The following POFUT1 variants were observed in gnomAD, a reference collection of about 807,000 sequenced individuals.
POFUT1 encodes the protein protein O-fucosyltransferase 1.
POFUT1 carries 16 observed loss-of-function variants against 42.4 expected under a neutral mutation model. The observed-to-expected ratio is 0.38, with a 90% CI of 0.26 to 0.57. The LOEUF is 0.57. Among genes scored for constraint, POFUT1 ranks in the 20% least tolerant of loss-of-function variants. The pLI, the probability that POFUT1 is intolerant of heterozygous loss-of-function variation, is 0.71. For missense variants in POFUT1, 470 were observed against 504.6 expected, an observed-to-expected ratio of 0.93 and a Z score of 0.66; for synonymous variants, 206 against 205.4, an observed-to-expected ratio of 1.00 and a Z score of -0.03.
intron 4 of POFUT1, among the ~76,000 whole-genome samples, chr20:32,220,380 C>T (rs1019252011): frequency 1.3e-5 from 2 of 152,184 alleles, no homozygotes; most frequent in African/African-American, 4.8e-5. Context: ...ATTATCCTGC[C>T]TTGGCCTCCC....
chr20:32,228,328 A>C lies in POFUT1; in HGVS notation c.608A>C (p.Glu203Ala). 1 of 1,613,976 alleles carries C rather than the reference A, an allele frequency of 6.2e-7. No homozygotes were observed. The highest frequency in any genetic ancestry group is 8.5e-7 in the Non-Finnish European group (1 of 1,179,852). Residue 203 changes from glutamate to alanine, a missense_variant, in exon 5 of 7, where the codon GAG becomes GCG. Coordinates refer to ENST00000375749, the MANE Select transcript of POFUT1 (RefSeq NM_015352.2). ...GCCCCAGCCCAGTTCCCCGTCCTAG[A>C]GGAACACAGGCCACTACAGAAGTAC... Reference protein sequence around the residue: ...PGAPAQFPVLEEHRPLQKYMV... With the variant: ...PGAPAQFPVLAEHRPLQKYMV...
chr20:32,217,197 G>A (rs1600387465), intron 4 of POFUT1: 2 of 1,440,630 alleles, frequency 1.4e-6, no homozygotes, highest in Non-Finnish European at 1.8e-6. Context: ...CACAGGCCGT[G>A]AAACATTTAT....
intron 5 of POFUT1, among the ~76,000 whole-genome samples, chr20:32,229,467 A>G (rs2047431200): frequency 6.6e-6 from 1 of 152,220 alleles, no homozygotes; most frequent in Admixed American, 6.5e-5. Flanking sequence ...GCATTTGATA[A>G]AAGTCACCAC....
chr20:32,209,031 G>C (rs963104612), intron 1 of POFUT1, among the ~76,000 whole-genome samples: 4 of 152,148 alleles, frequency 2.6e-5, no homozygotes, highest in Admixed American at 1.3e-4. Context: ...GTGGCTTCCA[G>C]ACTCCTGACC....
At chr20:32,217,097 A>G (rs776764892) in intron 4 of POFUT1, 18 of 1,608,472 alleles carry the variant, frequency 1.1e-5, no homozygotes, top group East Asian at 2.2e-5. Context: ...AGACCGAGAA[A>G]TGACGTCATC....
intron 2 of POFUT1, among the ~76,000 whole-genome samples, chr20:32,214,377 G>A (rs904561257): frequency 2.6e-5 from 4 of 151,872 alleles, no homozygotes; most frequent in Admixed American, 6.6e-5. Context: ...CTTCTACCTC[G>A]GCCTCCCAAA....
chr20:32,217,084 T>G, intron 4 of POFUT1: 1 of 1,611,970 alleles, frequency 6.2e-7, no homozygotes, highest in Non-Finnish European at 8.5e-7. Flanking sequence ...CAGCTTCAGG[T>G]GCAGACCGAG....
intron 2 of POFUT1, among the ~76,000 whole-genome samples, chr20:32,211,278 T>TG (rs1306557028): frequency 2.6e-5 from 2 of 78,030 alleles, no homozygotes; most frequent in Non-Finnish European, 2.1e-5. Flanking sequence ...TCGCACTCAC[T>TG]ATTTTTTTTT....
chr20:32,218,250 G>A (rs1049813343), intron 4 of POFUT1, among the ~76,000 whole-genome samples: 19 of 152,080 alleles, frequency 1.2e-4, no homozygotes, highest in African/African-American at 4.3e-4. Flanking sequence ...AATCCTCCCC[G>A]CTCCGCCTCC....
intron 4 of POFUT1, among the ~76,000 whole-genome samples, chr20:32,220,234 C>T (rs1049368471): frequency 6.6e-6 from 1 of 152,228 alleles, no homozygotes; most frequent in Non-Finnish European, 1.5e-5. Flanking sequence ...CTTGAGTTAG[C>T]TGGGCAGTTA....
chr20:32,232,372 G>T (rs1600395135), intron 6 of POFUT1, among the ~76,000 whole-genome samples: 1 of 152,082 alleles, frequency 6.6e-6, no homozygotes, highest in Admixed American at 6.6e-5. Flanking sequence ...AATCAGAGCT[G>T]AGAGATCTCA....
chr20:32,230,790 T>C (rs1600394352), intron 5 of POFUT1, 29 bp from the exon 6 acceptor site: 2 of 1,606,666 alleles, frequency 1.2e-6, no homozygotes, highest in East Asian at 4.5e-5. Flanking sequence ...CAGTTGCCAG[T>C]ATTTAACCCT....
At position 32,237,072 on chromosome 20, in the gene POFUT1, T is replaced by A. The variant is rs1314142685; in HGVS notation, c.*2411T>A. The A allele has an allele frequency of 6.6e-6, 1 of 152,180 alleles. No individual in the cohort carries two copies. Among genetic ancestry groups the A allele is most frequent in the East Asian group, 1.9e-4 (1 of 5,198 alleles). The allele number at this position is 152,180 out of a possible 1,614,324, so 9.4% of individuals were successfully genotyped here. A position where few individuals can be genotyped will look rare whatever the true frequency, so the allele number is the denominator to read the frequency against. ...ATCAGCCACCTTACCTTCTACTGGG[T>A]ACCTGCTGTGAGTCTGCCTATGCCA... is the stretch of plus-strand genomic sequence containing the variant. On this transcript the variant is annotated 3_prime_UTR_variant, in exon 7 of 7. Coordinates refer to ENST00000375749, the MANE Select transcript of POFUT1 (RefSeq NM_015352.2).
chr20:32,215,188 C>A, intron 2 of POFUT1, 81 bp from the exon 3 acceptor site: 1 of 1,127,882 alleles, frequency 8.9e-7, no homozygotes, highest in Non-Finnish European at 1.3e-6. Context: ...TGCACCTGGC[C>A]TGGAGTGTAT....
rs1442594566 is a variant in POFUT1 at position 32,237,086 on chromosome 20, C to A, written c.*2425C>A. On this transcript the variant is annotated 3_prime_UTR_variant, in exon 7 of 7. Coordinates refer to ENST00000375749, the MANE Select transcript of POFUT1 (RefSeq NM_015352.2). ...CTTCTACTGGGTACCTGCTGTGAGTCTGCCTATGCCAGAAGGATTAAGGAG... is the reference window on the plus strand; with the variant it reads ...CTTCTACTGGGTACCTGCTGTGAGTATGCCTATGCCAGAAGGATTAAGGAG... 1.3e-5 allele frequency: 2 copies of A among 152,192 alleles called. No homozygotes were observed. Among genetic ancestry groups the A allele is most frequent in the Non-Finnish European group, 2.9e-5 (2 of 68,044 alleles). The allele number at this position is 152,192 out of a possible 1,614,324, so 9.4% of individuals were successfully genotyped here. A position where few individuals can be genotyped will look rare whatever the true frequency, so the allele number is the denominator to read the frequency against.
chr20:32,234,147 A>G (rs117545585), intron 6 of POFUT1, among the ~76,000 whole-genome samples: 240 of 152,328 alleles, frequency 1.6e-3, no homozygotes, highest in South Asian at 9.9e-3. Context: ...GCAAAAGCCC[A>G]TCTCAAAAAA....
intron 4 of POFUT1, 188 bp downstream of exon 4, chr20:32,216,909 A>G (rs1032377093): frequency 2.6e-6 from 4 of 1,567,602 alleles, no homozygotes; most frequent in Non-Finnish European, 3.5e-6. Flanking sequence ...ACGGTGGAAC[A>G]TTGACCCGCC....
chr20:32,208,802 T>A (rs2047309980), intron 1 of POFUT1, among the ~76,000 whole-genome samples: 1 of 152,130 alleles, frequency 6.6e-6, no homozygotes, highest in South Asian at 2.1e-4. Context: ...GCCACCGCAC[T>A]GCCAGCCTGG....
At chr20:32,231,159 A>T in intron 6 of POFUT1, 98 bp downstream of exon 6, 5 of 1,389,990 alleles carry the variant, frequency 3.6e-6, no homozygotes, top group Non-Finnish European at 5.0e-6. Context: ...CTCCCCTACA[A>T]GCCTTTTGCC....
Sources: allele counts gnomAD v4.1 joint callset (sites outside exome capture counted in the v4.1 genomes callset), GRCh38; gene constraint gnomAD v4.1.1; transcripts MANE v1.5; gene names NCBI Gene and HGNC (gene_info 2026-07-23, HGNC 2026-07-21).